DOCK1: variants seen among roughly 807,000 people sequenced by gnomAD.
DOCK1 encodes dedicator of cytokinesis protein 1.
In DOCK1, 138 loss-of-function variants were observed where a neutral mutation model predicts 262.7. The ratio of observed to expected loss-of-function variants is 0.53; its 90% CI spans 0.46 to 0.61. The LOEUF (loss-of-function observed/expected upper bound fraction) is 0.61. DOCK1 is among the 20% of genes least tolerant of loss of function. The pLI is 0.00. For missense variants in DOCK1, 1,908 were observed against 2,370.7 expected (o/e 0.80, Z 4.05); for synonymous variants, 866 against 867.4 (o/e 1.00, Z 0.03).
intron 29 of DOCK1, among the ~76,000 whole-genome samples, chr10:127,261,460 T>G (rs111164569): frequency 1.8e-5 from 2 of 108,514 alleles, no homozygotes; most frequent in African/African-American, 3.8e-5. Flanking sequence ...TGTGTGCGTG[T>G]GTGTGTGCCT....
In DOCK1 at chr10:126,987,562, A is replaced by T; in HGVS notation, c.269A>T (p.Gln90Leu). The T allele has an allele frequency of 6.3e-7, 1 of 1,580,708 alleles. No homozygotes were observed. Among genetic ancestry groups the T allele is most frequent in the African/African-American group, 1.3e-5 (1 of 74,250 alleles). Reference protein sequence around the residue: ...TVIPGDLPLIQEVTTTLREWS... With the variant: ...TVIPGDLPLILEVTTTLREWS... ...ATCCCGGGTGACCTCCCCCTCATCC[A>T]GGAAGTCACCACGACACTCCGAGAG... The change falls in exon 5 of 52, where the codon CAG (glutamine) becomes CTG (leucine). Residue 90 changes from glutamine to leucine, a missense_variant. By Grantham distance (113) the Gln-to-Leu change is moderately radical. Coordinates refer to ENST00000623213, the MANE Select transcript of DOCK1 (RefSeq NM_001290223.2).
chr10:126,949,627 T>C (rs948182664), intron 1 of DOCK1, among the ~76,000 whole-genome samples: 1 of 152,142 alleles, frequency 6.6e-6, no homozygotes, highest in Non-Finnish European at 1.5e-5. Context: ...CTTTCTGTGC[T>C]ATAACTATAA....
At chr10:126,941,526 G>A in intron 1 of DOCK1, among the ~76,000 whole-genome samples, 1 of 152,196 alleles carries the variant, frequency 6.6e-6, no homozygotes, top group Non-Finnish European at 1.5e-5. Context: ...GGAGGCCAAG[G>A]CGGGCGGATC....
intron 29 of DOCK1, among the ~76,000 whole-genome samples, 166 bp from the exon 30 acceptor site, chr10:127,338,840 G>C (rs2063305846): frequency 6.6e-6 from 1 of 152,054 alleles, no homozygotes. Flanking sequence ...GAGAACATCT[G>C]CATATAATTC....
At chr10:127,220,652 C>T (rs1411656452) in intron 27 of DOCK1, among the ~76,000 whole-genome samples, 1 of 151,846 alleles carries the variant, frequency 6.6e-6, no homozygotes, top group Non-Finnish European at 1.5e-5. Flanking sequence ...GATGGAGGAG[C>T]GATCGGTGTC....
At chr10:127,425,787 T>C (rs2068774473) in intron 46 of DOCK1, 87 bp from the exon 47 acceptor site, 1 of 1,558,694 alleles carries the variant, frequency 6.4e-7, no homozygotes, top group Admixed American at 1.8e-5. Flanking sequence ...GCAGATCGTT[T>C]TGCCAGTTCC....
chr10:127,160,064 C>A (rs1056903924), intron 27 of DOCK1, among the ~76,000 whole-genome samples: 19 of 151,700 alleles, frequency 1.3e-4, no homozygotes, highest in Admixed American at 9.2e-4. Context: ...GAAGATGGGG[C>A]CTGAGAGGCA....
At chr10:126,925,593 A>G (rs924982798) in intron 1 of DOCK1, among the ~76,000 whole-genome samples, 4 of 152,144 alleles carry the variant, frequency 2.6e-5, no homozygotes, top group African/African-American at 9.7e-5. Context: ...CATGTTGGCC[A>G]GGATGGTCTC....
chr10:126,970,330 T>G (rs2038005570), intron 1 of DOCK1, among the ~76,000 whole-genome samples: 1 of 152,222 alleles, frequency 6.6e-6, no homozygotes, highest in African/African-American at 2.4e-5. Flanking sequence ...ATATGATAAT[T>G]TTTTTATTAA....
chr10:127,101,333 G>A (rs2048234522), intron 23 of DOCK1, among the ~76,000 whole-genome samples: 2 of 152,096 alleles, frequency 1.3e-5, no homozygotes, highest in Admixed American at 6.5e-5. Flanking sequence ...AGAACAGGTG[G>A]ACCCACAGTG....
At chr10:127,035,927 G>C (rs374649947) in intron 18 of DOCK1, among the ~76,000 whole-genome samples, 3 of 151,994 alleles carry the variant, frequency 2.0e-5, no homozygotes, top group African/African-American at 7.2e-5. Context: ...GCTTGAGCCT[G>C]GGAGTTAGAG....
intron 27 of DOCK1, among the ~76,000 whole-genome samples, chr10:127,189,942 T>TA (rs2134079555): frequency 6.6e-6 from 1 of 152,338 alleles, no homozygotes; most frequent in South Asian, 2.1e-4. Flanking sequence ...GATGTGAGGT[T>TA]AAGGCTGAGA....
chr10:127,090,281 G>A, intron 23 of DOCK1, among the ~76,000 whole-genome samples: 1 of 152,138 alleles, frequency 6.6e-6, no homozygotes, highest in East Asian at 1.9e-4. Flanking sequence ...TCAGGGCCGT[G>A]TTAACATAGA....
In DOCK1 at chr10:127,037,905, T is replaced by C. The variant is rs7099304; in HGVS notation, c.2010+89T>C. On this transcript the variant is annotated intron_variant, in intron 19 of 51. Transcript: ENST00000623213. ...CAGAAGTAGGCAGTGACTTCAAAGGTAGTATAGGATTGTGGTTATACTCCC... is the reference window on the plus strand; with the variant it reads ...CAGAAGTAGGCAGTGACTTCAAAGGCAGTATAGGATTGTGGTTATACTCCC... The C allele has an allele frequency of 9.1e-3, 9,590 of 1,051,866 alleles. 633 individuals carry two copies. In the African/African-American group the frequency reaches 0.14, roughly 15 times the overall value. The allele number at this position is 1,051,866 out of a possible 1,614,324, so 65.2% of individuals were successfully genotyped here. A position where few individuals can be genotyped will look rare whatever the true frequency, so the allele number is the denominator to read the frequency against.
At chr10:126,992,737 GAC>G (rs34596370) in intron 6 of DOCK1, among the ~76,000 whole-genome samples, 17,412 of 133,184 alleles carry the variant, frequency 0.13, 1,138 homozygotes, top group Non-Finnish European at 0.17. Context: ...CCCCAACACA[GAC>G]ACACACACAC....
At chr10:127,118,946 T>C (rs1353411301) in intron 25 of DOCK1, among the ~76,000 whole-genome samples, 9 of 152,206 alleles carry the variant, frequency 5.9e-5, no homozygotes, top group Admixed American at 5.9e-4. Context: ...CTTGAAAAAT[T>C]TGCTTTGCGT....
intron 1 of DOCK1, among the ~76,000 whole-genome samples, chr10:126,962,468 A>AT (rs1240665454): frequency 0.19 from 28,846 of 150,806 alleles, 2,851 homozygotes; most frequent in South Asian, 0.28. Flanking sequence ...CAGTTTTGGC[A>AT]TTTTTTTTAG....
At chr10:126,911,664 T>C (rs1369533719) in intron 1 of DOCK1, among the ~76,000 whole-genome samples, 1 of 151,894 alleles carries the variant, frequency 6.6e-6, no homozygotes, top group Admixed American at 6.6e-5. Flanking sequence ...CCAGGGTGAG[T>C]GTTTGAACCT....
chr10:127,124,121 C>G lies in DOCK1; in HGVS notation c.2624-1353C>G, dbSNP rs563678237. 8.5e-5 allele frequency among the ~76,000 whole-genome samples: 13 copies of G among 152,292 alleles called. 1 individual carries two copies. Among genetic ancestry groups the G allele is most frequent in the Admixed American group, 3.9e-4 (6 of 15,300 alleles). On this transcript the variant is annotated intron_variant, in intron 25 of 51. Coordinates refer to ENST00000623213, the MANE Select transcript of DOCK1 (RefSeq NM_001290223.2). ...CTTCTCAGTCTTTGTTTCTCTCTGC[C>G]TGCTCCCCAGTCCTTCATTACAGTG...
Sources: allele counts gnomAD v4.1 joint callset (sites outside exome capture counted in the v4.1 genomes callset), GRCh38; gene constraint gnomAD v4.1.1; transcripts MANE v1.5; gene names NCBI Gene and HGNC (gene_info 2026-07-23, HGNC 2026-07-21).